The following OGA variants were observed in gnomAD, a reference collection of about 807,000 sequenced individuals.
OGA encodes the protein protein O-GlcNAcase.
A neutral mutation model predicts 102.0 loss-of-function variants in OGA; 21 were observed. The observed-to-expected ratio is 0.21, with a 90% CI of 0.15 to 0.30. The LOEUF (loss-of-function observed/expected upper bound fraction) is 0.30. Ranked by LOEUF, OGA falls within the 10% of genes least tolerant of loss-of-function variation. The probability of loss-of-function intolerance (pLI) is 1.00; values close to 1 mark genes in which losing one functional copy is unlikely to be tolerated. For synonymous variants in OGA, 408 were observed against 378.2 expected (o/e 1.08, Z -0.91); for missense variants, 765 against 1,107.8 (o/e 0.69, Z 4.39).
intron 7 of OGA, 94 bp downstream of exon 7, chr10:101,803,641 T>G: frequency 7.9e-7 from 1 of 1,265,808 alleles, no homozygotes; most frequent in Admixed American, 2.4e-5. Context: ...TAAAACTGTT[T>G]AAGTTGTGAT....
rs1037986865 is a variant in OGA at position 101,813,455 on chromosome 10, C to G, written c.251+100G>C. The G allele has an allele frequency of 1.4e-5, 11 of 768,740 alleles. No individual in the cohort carries two copies. In the African/African-American group the frequency reaches 1.6e-4, roughly 11 times the overall value. 47.6% of individuals were successfully genotyped at this position (768,740 alleles called of 1,614,324 possible). A position where few individuals can be genotyped will look rare whatever the true frequency, so the allele number is the denominator to read the frequency against. On this transcript the variant is annotated intron_variant, in intron 2 of 15. Transcript: ENST00000361464. ...ATAACTTCTGCAATTGAGAAACCAT[C>G]AAAATGCACCTGGGCTATTCACTGT...
chr10:101,798,089 G>T lies in OGA; in HGVS notation c.1875C>A (p.Phe625Leu). The T allele has an allele frequency of 6.2e-7, 1 of 1,614,054 alleles. No individual in the cohort carries two copies. Among genetic ancestry groups the T allele is most frequent in the South Asian group, 1.1e-5 (1 of 91,074 alleles). ...TGTTGGCACAATTGGAGAGCCGAGTGAACATTCCCATCACTAGTCCACACA... is the reference window on the plus strand; with the variant it reads ...TGTTGGCACAATTGGAGAGCCGAGTTAACATTCCCATCACTAGTCCACACA... ...EEMCGLVMGM[F>L]TRLSNCANRT... The change falls in exon 10 of 16, where the codon TTC (phenylalanine) becomes TTA (leucine). Residue 625 changes from phenylalanine (F) to leucine (L), a missense_variant. Coordinates refer to ENST00000361464, the MANE Select transcript of OGA (RefSeq NM_012215.5).
Position 101,784,636 on chromosome 10 carries a change from A to T in OGA, c.*1815T>A, listed in dbSNP as rs958070940. 1 of 152,378 alleles carries T rather than the reference A, an allele frequency of 6.6e-6. No homozygotes were observed. The highest frequency in any genetic ancestry group is 2.4e-5 in the African/African-American group (1 of 41,460). The allele number at this position is 152,378 out of a possible 1,614,324, so 9.4% of individuals were successfully genotyped here. Reference sequence around the variant, plus strand: ...AGACCAGGGCATCTGTTTCACAGTCACCTGTGACCAGACCAGCCAACATGA... The same window carrying T: ...AGACCAGGGCATCTGTTTCACAGTCTCCTGTGACCAGACCAGCCAACATGA... On this transcript the variant is annotated 3_prime_UTR_variant, in exon 16 of 16. Coordinates refer to ENST00000361464, the MANE Select transcript of OGA (RefSeq NM_012215.5).
At chr10:101,812,856 GCT>G in intron 3 of OGA, 172 bp downstream of exon 3, 1 of 680,530 alleles carries the variant, frequency 1.5e-6, no homozygotes, top group Admixed American at 2.0e-5. Context: ...TCATGACCTT[GCT>G]AGCGCAGAGC....
chr10:101,793,720 T>C (rs946411506), intron 11 of OGA, 193 bp downstream of exon 11: 5 of 510,598 alleles, frequency 9.8e-6, no homozygotes, highest in Middle Eastern at 5.5e-4. Context: ...GCGGGGGGGA[T>C]TGGCAGCATC....
At chr10:101,815,239 T>C (rs1319621291) in intron 1 of OGA, among the ~76,000 whole-genome samples, 2 of 152,048 alleles carry the variant, frequency 1.3e-5, no homozygotes, top group Non-Finnish European at 2.9e-5. Flanking sequence ...CACTTTCATC[T>C]GGACAATCTA....
In OGA at chr10:101,809,871, T is replaced by C. The variant is rs761015341; in HGVS notation, c.480+313A>G. 3.2e-4 allele frequency among the ~76,000 whole-genome samples: 49 copies of C among 151,860 alleles called. 1 individual carries two copies. The highest frequency in any genetic ancestry group is 4.3e-4 in the Non-Finnish European group (29 of 67,962). ...AGCCTGGCTGGCATGGTGAAGGCCC[T>C]GTCTCTACTAAAAATACAAAAATTA... On this transcript the variant is annotated intron_variant, in intron 4 of 15. Coordinates refer to ENST00000361464, the MANE Select transcript of OGA (RefSeq NM_012215.5).
chr10:101,808,541 T>A (rs1214680931), intron 4 of OGA, among the ~76,000 whole-genome samples: 1 of 152,170 alleles, frequency 6.6e-6, no homozygotes, highest in East Asian at 1.9e-4. Flanking sequence ...TAGAATTTTA[T>A]CAAATAGTAA....
intron 12 of OGA, among the ~76,000 whole-genome samples, chr10:101,791,892 T>C (rs1248807937): frequency 6.6e-6 from 1 of 152,036 alleles, no homozygotes; most frequent in African/African-American, 2.4e-5. Context: ...AATGGCACGA[T>C]CTTGGCTCAC....
chr10:101,794,258 T>C (rs2065291178), intron 10 of OGA, among the ~76,000 whole-genome samples: 1 of 152,378 alleles, frequency 6.6e-6, no homozygotes, highest in Non-Finnish European at 1.5e-5. Flanking sequence ...AGTCCCAAGT[T>C]TGTCTGAGTC....
rs1185344174 is a variant in OGA, at chr10:101,815,961, G to GAAAA, written c.199+1862_199+1863insTTTT. ...TGCCAACCAAGAGGTATCAAAAAGAGAGAAAAAAAAAAAAAAAAAAAAAAA... is the reference window on the plus strand; with the variant it reads ...TGCCAACCAAGAGGTATCAAAAAGAGAAAAAGAAAAAAAAAAAAAAAAAAAAAAA... On this transcript the variant is annotated intron_variant, in intron 1 of 15. Coordinates refer to ENST00000361464, the MANE Select transcript of OGA (RefSeq NM_012215.5). Among the ~76,000 whole-genome samples the GAAAA allele has an allele frequency of 1.1e-3, 26 of 23,788 alleles. 7 individuals are homozygous for GAAAA. Among genetic ancestry groups the GAAAA allele is most frequent in the South Asian group, 2.5e-3 (2 of 812 alleles). The allele number at this position is 23,788 out of a possible 152,430, so 15.6% of individuals were successfully genotyped here. A position where few individuals can be genotyped will look rare whatever the true frequency, so the allele number is the denominator to read the frequency against.
At chr10:101,796,284 T>G (rs2065315291) in intron 10 of OGA, among the ~76,000 whole-genome samples, 2 of 152,100 alleles carry the variant, frequency 1.3e-5, no homozygotes, top group South Asian at 4.1e-4. Flanking sequence ...CCCCACAAGA[T>G]GAAGTCTCGC....
At chr10:101,800,861 G>A (rs1404268076) in intron 7 of OGA, among the ~76,000 whole-genome samples, 3 of 139,736 alleles carry the variant, frequency 2.1e-5, no homozygotes, top group Admixed American at 7.9e-5. Flanking sequence ...TACAACCTCC[G>A]CCTCACAGGT....
At chr10:101,803,448 T>TAAAAAAAAAA (rs575226082) in intron 7 of OGA, among the ~76,000 whole-genome samples, 3 of 74,308 alleles carry the variant, frequency 4.0e-5, no homozygotes, top group Non-Finnish European at 8.2e-5. Flanking sequence ...TGAATCATAC[T>TAAAAAAAAAA]AAAAAAAAAA....
chr10:101,816,225 T>A (rs1046432411), intron 1 of OGA, among the ~76,000 whole-genome samples: 2 of 152,150 alleles, frequency 1.3e-5, no homozygotes, highest in African/African-American at 4.8e-5. Context: ...ATCACGCCAC[T>A]GCACTCCAGC....
rs67433227 is a variant in OGA at position 101,811,406 on chromosome 10, G to GAAAAAAAAAAA, written c.350-1103_350-1093dup. Reference sequence around the variant, plus strand: ...TCCATCTCAAAAAATGAAAAAAAATGAAAAAAAAAAAAAAAAAAAAAAAAA... The same window carrying GAAAAAAAAAAA: ...TCCATCTCAAAAAATGAAAAAAAATGAAAAAAAAAAAAAAAAAAAAAAAAAAAAAAAAAAAA... On this transcript the variant is annotated intron_variant, in intron 3 of 15. Transcript: ENST00000361464. Among the ~76,000 whole-genome samples, 172 of 45,700 alleles carry GAAAAAAAAAAA rather than the reference G, an allele frequency of 3.8e-3. 2 individuals are homozygous for GAAAAAAAAAAA. The highest frequency in any genetic ancestry group is 4.5e-3 in the African/African-American group (46 of 10,140). The allele number at this position is 45,700 out of a possible 152,430, so 30.0% of individuals were successfully genotyped here.
At chr10:101,801,329 T>C (rs1426881981) in intron 7 of OGA, among the ~76,000 whole-genome samples, 2 of 150,546 alleles carry the variant, frequency 1.3e-5, no homozygotes, top group Non-Finnish European at 3.0e-5. Context: ...GTGTCAAAGG[T>C]TGCAGTGAGC....
In OGA at chr10:101,786,328, T is replaced by C; in HGVS notation, c.*123A>G. On this transcript the variant is annotated 3_prime_UTR_variant, in exon 16 of 16. Coordinates refer to ENST00000361464, the MANE Select transcript of OGA (RefSeq NM_012215.5). ...GATGGGTGAGTTTTACATAGTCTTC[T>C]TTGTTTCGAATCCAATTGGCTGATT... The C allele has an allele frequency of 9.4e-7, 1 of 1,060,140 alleles. No homozygotes were observed. Among genetic ancestry groups the C allele is most frequent in the Non-Finnish European group, 1.3e-6 (1 of 775,524 alleles). 65.7% of individuals were successfully genotyped at this position (1,060,140 alleles called of 1,614,324 possible). A position where few individuals can be genotyped will look rare whatever the true frequency, so the allele number is the denominator to read the frequency against.
intron 2 of OGA, 64 bp from the exon 3 acceptor site, chr10:101,813,191 T>C: frequency 9.6e-7 from 1 of 1,043,018 alleles, no homozygotes; most frequent in East Asian, 2.4e-5. Context: ...CAATCTCCAT[T>C]TCCCTCTTCT....
Sources: allele counts gnomAD v4.1 joint callset (sites outside exome capture counted in the v4.1 genomes callset), GRCh38; gene constraint gnomAD v4.1.1; transcripts MANE v1.5; gene names NCBI Gene and HGNC (gene_info 2026-07-23, HGNC 2026-07-21).